Variants in CHCHD3 observed in about 807,000 individuals in gnomAD.
CHCHD3 encodes the protein coiled-coil-helix-coiled-coil-helix domain containing 3.
A neutral mutation model predicts 38.2 loss-of-function variants in CHCHD3; 20 were observed. The ratio of observed to expected loss-of-function variants is 0.52; its 90% CI spans 0.37 to 0.76. The LOEUF (loss-of-function observed/expected upper bound fraction) is 0.76. Ranked by LOEUF, CHCHD3 falls within the 30% of genes least tolerant of loss-of-function variation. The pLI is 0.00. For missense variants in CHCHD3, 245 were observed against 279.2 expected (o/e 0.88, Z 0.87); for synonymous variants, 82 against 100.0 (o/e 0.82, Z 1.07).
intron 2 of CHCHD3, among the ~76,000 whole-genome samples, chr7:133,044,834 C>G (rs1450765758): frequency 6.6e-6 from 1 of 152,228 alleles, no homozygotes; most frequent in African/African-American, 2.4e-5. Context: ...GAAGCTCACA[C>G]AAATCTGCAG....
chr7:132,833,706 C>A (rs1807704526), intron 6 of CHCHD3, among the ~76,000 whole-genome samples: 1 of 152,048 alleles, frequency 6.6e-6, no homozygotes, highest in African/African-American at 2.4e-5. Flanking sequence ...TATTTTACTG[C>A]CAAAACTATA....
At chr7:132,928,430 C>T (rs1810429682) in intron 4 of CHCHD3, among the ~76,000 whole-genome samples, 1 of 152,142 alleles carries the variant, frequency 6.6e-6, no homozygotes, top group South Asian at 2.1e-4. Context: ...GGTGTGGTGG[C>T]TAACGCCTGT....
At chr7:132,983,964 C>G (rs1006077784) in intron 3 of CHCHD3, among the ~76,000 whole-genome samples, 1 of 143,796 alleles carries the variant, frequency 7.0e-6, no homozygotes, top group Non-Finnish European at 1.5e-5. Context: ...CTCGGAAAGG[C>G]TCCTCCTCTC....
rs1452232082 is a variant in CHCHD3 at position 132,788,888 on chromosome 7, G to A, written c.661-3228C>T. 6.6e-6 allele frequency among the ~76,000 whole-genome samples: 1 copy of A among 152,204 alleles called. No individual in the cohort carries two copies. Among genetic ancestry groups the A allele is most frequent in the East Asian group, 1.9e-4 (1 of 5,200 alleles). ...AACTGCACTCACTTGCTACCAAAGG[G>A]TGGCAGGGGTGGTACAAAACCATCT... On this transcript the variant is annotated intron_variant, in intron 7 of 7. Coordinates refer to ENST00000262570, the MANE Select transcript of CHCHD3 (RefSeq NM_017812.4). The surrounding 1 kb of genome is among the most constrained non-coding windows in gnomAD (Gnocchi z 4.0).
intron 5 of CHCHD3, among the ~76,000 whole-genome samples, chr7:132,883,316 T>C (rs1809119386): frequency 6.6e-6 from 1 of 152,220 alleles, no homozygotes. Flanking sequence ...TTTATGAGTA[T>C]TAGCTCATTT....
At chr7:132,883,308 TA>T (rs1259882255) in intron 5 of CHCHD3, among the ~76,000 whole-genome samples, 1 of 152,222 alleles carries the variant, frequency 6.6e-6, no homozygotes, top group East Asian at 1.9e-4. Context: ...ACAGGTGCTT[TA>T]TGAGTATTAG....
chr7:132,837,321 T>C (rs1326543084), intron 6 of CHCHD3, among the ~76,000 whole-genome samples: 1 of 152,054 alleles, frequency 6.6e-6, no homozygotes, highest in African/African-American at 2.4e-5. Flanking sequence ...ATATGTAGAG[T>C]AACTTAAAAA....
intron 6 of CHCHD3, among the ~76,000 whole-genome samples, chr7:132,826,685 GC>G (rs1807517535): frequency 6.6e-6 from 1 of 152,194 alleles, no homozygotes; most frequent in African/African-American, 2.4e-5. Context: ...GTAAGGAAGG[GC>G]CAAGACGCAA....
chr7:132,975,441 G>A (rs1811738592), intron 3 of CHCHD3, among the ~76,000 whole-genome samples, 155 bp from the exon 4 acceptor site: 1 of 152,170 alleles, frequency 6.6e-6, no homozygotes, highest in Admixed American at 6.5e-5. Context: ...AGCAGGTATA[G>A]AGGTAAATCC....
At chr7:132,823,053 C>G (rs1166940370) in intron 6 of CHCHD3, among the ~76,000 whole-genome samples, 1 of 152,122 alleles carries the variant, frequency 6.6e-6, no homozygotes, top group African/African-American at 2.4e-5. Context: ...GAAAACAAAA[C>G]AAAATCTATG....
At chr7:133,056,988 T>C (rs572774754) in intron 2 of CHCHD3, among the ~76,000 whole-genome samples, 1 of 152,334 alleles carries the variant, frequency 6.6e-6, no homozygotes, top group African/African-American at 2.4e-5. Context: ...AACTACCACC[T>C]TTCCATTTCC....
intron 5 of CHCHD3, chr7:132,845,110 T>C (rs1377257765): frequency 1.3e-5 from 2 of 152,238 alleles, no homozygotes; most frequent in East Asian, 3.8e-4. Flanking sequence ...TGGAGCCAGA[T>C]GGCCAAATCA....
In CHCHD3 at chr7:132,838,443, A is replaced by T; in HGVS notation, c.480T>A (p.Thr160=). ...CTTCAGCAGCTTTCTGATATTGTTC[A>T]GTGGTGACTCTGTAGAACTCTGAGC... ...ERSSEFYRVT[T]EQYQKAAEEV... is the part of the protein sequence containing the mutation. The change falls in exon 6 of 8, where the codon ACT becomes ACA. Residue 160 remains threonine, a synonymous_variant. Coordinates refer to ENST00000262570, the MANE Select transcript of CHCHD3 (RefSeq NM_017812.4). The T allele has an allele frequency of 6.2e-7, 1 of 1,613,006 alleles. No individual in the cohort carries two copies. Among genetic ancestry groups the T allele is most frequent in the East Asian group, 2.2e-5 (1 of 44,824 alleles).
chr7:132,859,813 G>A (rs1808436337), intron 5 of CHCHD3, among the ~76,000 whole-genome samples: 1 of 152,092 alleles, frequency 6.6e-6, no homozygotes, highest in Non-Finnish European at 1.5e-5. Context: ...CCTACACTTG[G>A]TCTCTTAGCG....
At chr7:133,047,492 A>G (rs1404621337) in intron 2 of CHCHD3, among the ~76,000 whole-genome samples, 2 of 152,222 alleles carry the variant, frequency 1.3e-5, no homozygotes, top group African/African-American at 2.4e-5. Context: ...AACGAGTCTC[A>G]TGACTTTGTC....
At position 132,832,133 on chromosome 7, in the gene CHCHD3, T is replaced by C. The variant is rs57465290; in HGVS notation, c.524+6266A>G. Reference sequence around the variant, plus strand: ...CATTGAAGAAAACCTTTAAAGATGGTAATATTTACAAAATCCATTTTATCT... The same window carrying C: ...CATTGAAGAAAACCTTTAAAGATGGCAATATTTACAAAATCCATTTTATCT... On this transcript the variant is annotated intron_variant, in intron 6 of 7. Coordinates refer to ENST00000262570, the MANE Select transcript of CHCHD3 (RefSeq NM_017812.4). Among the ~76,000 whole-genome samples the C allele has an allele frequency of 8.6e-3, 1,307 of 152,254 alleles. 24 individuals carry two copies. Among genetic ancestry groups the C allele is most frequent in the African/African-American group, 0.03 (1,250 of 41,548 alleles).
chr7:133,056,444 T>G (rs1814334813), intron 2 of CHCHD3, among the ~76,000 whole-genome samples: 1 of 152,134 alleles, frequency 6.6e-6, no homozygotes, highest in African/African-American at 2.4e-5. Context: ...CCTTCAATAT[T>G]CAGCTCAAAC....
At chr7:132,902,081 T>C (rs975364340) in intron 4 of CHCHD3, among the ~76,000 whole-genome samples, 3 of 152,196 alleles carry the variant, frequency 2.0e-5, no homozygotes, top group African/African-American at 7.2e-5. Context: ...ATTTGTTAAA[T>C]AGGGAATCCT....
chr7:132,916,770 G>T (rs1810116400), intron 4 of CHCHD3, among the ~76,000 whole-genome samples: 1 of 151,596 alleles, frequency 6.6e-6, no homozygotes, highest in Non-Finnish European at 1.5e-5. Flanking sequence ...GTAGAGATGG[G>T]GTCTCTCTAT....
Sources: gnomAD v4.1 joint callset for allele counts (sites outside exome capture counted in the v4.1 genomes callset) on GRCh38, gnomAD v4.1.1 for gene constraint, Gnocchi (gnomAD v3.1) non-coding constraint, MANE v1.5 for transcripts, NCBI Gene and HGNC (gene_info 2026-07-23, HGNC 2026-07-21) for gene names.